The following CCDC73 variants were observed in gnomAD, a reference collection of about 807,000 sequenced individuals.
CCDC73 encodes the protein coiled-coil domain containing 73.
In CCDC73, 95 loss-of-function variants were observed where a neutral mutation model predicts 116.5. That is an observed-to-expected ratio of 0.82 (90% CI 0.69 to 0.97). CCDC73 has a LOEUF of 0.97. Among genes scored for constraint, CCDC73 ranks in the 50% least tolerant of loss-of-function variants. The pLI is 0.00. For synonymous variants in CCDC73, 398 were observed against 401.3 expected (o/e 0.99, Z 0.10); for missense variants, 1,066 against 1,206.8 (o/e 0.88, Z 1.73).
intron 6 of CCDC73, among the ~76,000 whole-genome samples, chr11:32,696,812 C>T (rs1241725710): frequency 6.6e-6 from 1 of 151,968 alleles, no homozygotes; most frequent in East Asian, 1.9e-4. Flanking sequence ...TTATGTTTTC[C>T]CTAGAGTTTC....
intron 4 of CCDC73, among the ~76,000 whole-genome samples, 187 bp from the exon 5 acceptor site, chr11:32,701,013 A>C (rs536266393): frequency 6.6e-6 from 1 of 152,278 alleles, no homozygotes; most frequent in Admixed American, 6.5e-5. Context: ...CAGTCACTAA[A>C]GTAAATGAAC....
At chr11:32,804,033 C>A in the CCDC73 span, among the ~76,000 whole-genome samples, 2 of 152,124 alleles carry the variant, frequency 1.3e-5, no homozygotes, top group Admixed American at 1.3e-4. Context: ...TAGTCTCGAA[C>A]TCCCGACCTC....
chr11:32,607,080 ATTTTTTTTTTT>A lies in CCDC73; in HGVS notation c.3030+4041_3030+4051del, dbSNP rs759164050. Among the ~76,000 whole-genome samples the A allele has an allele frequency of 1.8e-3, 132 of 74,188 alleles. 1 individual carries two copies. The highest frequency in any genetic ancestry group is 2.1e-3 in the Admixed American group (12 of 5,584). The allele number at this position is 74,188 out of a possible 152,430, so 48.7% of individuals were successfully genotyped here. On this transcript the variant is annotated intron_variant, in intron 17 of 17. Coordinates refer to ENST00000335185, the MANE Select transcript of CCDC73 (RefSeq NM_001008391.4). The stretch of plus-strand genomic sequence containing the variant: ...GCCCACCACGCCCAGCCAAAAATAA[ATTTTTTTTTTT>A]TTTTTTTTTTTTTTTTTTTGAGACG...
chr11:32,720,538 C>G (rs1198991805), intron 2 of CCDC73, among the ~76,000 whole-genome samples: 3 of 151,730 alleles, frequency 2.0e-5, no homozygotes, highest in Non-Finnish European at 2.9e-5. Flanking sequence ...CAGGCATACA[C>G]AAATAAATAA....
At chr11:32,633,499 A>G (rs1030783993) in intron 14 of CCDC73, among the ~76,000 whole-genome samples, 9 of 152,196 alleles carry the variant, frequency 5.9e-5, no homozygotes, top group Non-Finnish European at 1.5e-5. Context: ...ATAGGACTCA[A>G]TATATACCCA....
chr11:32,780,172 G>T (rs2133395643), intron 1 of CCDC73, among the ~76,000 whole-genome samples: 1 of 152,172 alleles, frequency 6.6e-6, no homozygotes, highest in South Asian at 2.1e-4. Context: ...TACAAGGGAG[G>T]CTGAGGCATG....
intron 1 of CCDC73, among the ~76,000 whole-genome samples, chr11:32,791,506 CT>C (rs1850676625): frequency 6.6e-6 from 1 of 152,186 alleles, no homozygotes; most frequent in Non-Finnish European, 1.5e-5. Context: ...TCTTGAAACA[CT>C]TTTTTTCATA....
chr11:32,826,014 A>C, the CCDC73 span, among the ~76,000 whole-genome samples: 1 of 152,220 alleles, frequency 6.6e-6, no homozygotes, highest in Non-Finnish European at 1.5e-5. Flanking sequence ...ACATGAAATC[A>C]GATGACCCCT....
intron 2 of CCDC73, among the ~76,000 whole-genome samples, chr11:32,744,388 GC>G (rs1850215875): frequency 6.6e-6 from 1 of 152,116 alleles, no homozygotes. Context: ...TTGTGTCTCT[GC>G]CAGGCTTTGG....
intron 14 of CCDC73, among the ~76,000 whole-genome samples, chr11:32,629,682 T>A (rs1278432544): frequency 2.7e-5 from 4 of 149,328 alleles, no homozygotes; most frequent in Non-Finnish European, 4.4e-5. Flanking sequence ...GGCGTAAGCC[T>A]CCGTGCCCAG....
chr11:32,662,823 C>T (rs1427515640), intron 9 of CCDC73, among the ~76,000 whole-genome samples: 2 of 152,090 alleles, frequency 1.3e-5, no homozygotes, highest in African/African-American at 4.8e-5. Context: ...GGTTTTAGGT[C>T]TAACATTTAA....
At chr11:32,789,357 G>T (rs559218463) in intron 1 of CCDC73, among the ~76,000 whole-genome samples, 4 of 152,178 alleles carry the variant, frequency 2.6e-5, no homozygotes, top group African/African-American at 9.6e-5. Flanking sequence ...ACCAGAAGAA[G>T]AAACCTAAAT....
Position 32,754,885 on chromosome 11 carries a change from T to G in CCDC73, c.135+5224A>C, listed in dbSNP as rs1182666446. Among the ~76,000 whole-genome samples, 3 of 136,684 alleles carry G rather than the reference T, an allele frequency of 2.2e-5. No individual in the cohort carries two copies. In the East Asian group the frequency reaches 6.2e-4, roughly 28 times the overall value. 89.7% of individuals were successfully genotyped at this position (136,684 alleles called of 152,430 possible). A position where few individuals can be genotyped will look rare whatever the true frequency, so the allele number is the denominator to read the frequency against. ...CACAGAAGATGGCTTCAACTTTTTTTTTTTTTTTTTTTTTTTTTCTGAGAC... is the reference window on the plus strand; with the variant it reads ...CACAGAAGATGGCTTCAACTTTTTTGTTTTTTTTTTTTTTTTTTCTGAGAC... On this transcript the variant is annotated intron_variant, in intron 2 of 17. Coordinates refer to ENST00000335185, the MANE Select transcript of CCDC73 (RefSeq NM_001008391.4).
chr11:32,666,815 G>A (rs868773478), intron 9 of CCDC73, among the ~76,000 whole-genome samples: 6 of 152,176 alleles, frequency 3.9e-5, no homozygotes, highest in Admixed American at 3.9e-4. Context: ...CTTTGATAAT[G>A]GTGACGTACA....
intron 1 of CCDC73, among the ~76,000 whole-genome samples, chr11:32,765,333 C>T (rs1324601822): frequency 6.6e-6 from 1 of 152,238 alleles, no homozygotes; most frequent in Non-Finnish European, 1.5e-5. Context: ...CACCACATCA[C>T]ACTTATTCCA....
Position 32,613,902 on chromosome 11 carries a change from ACT to A in CCDC73, c.2414_2415del (p.Glu805ValfsTer4), listed in dbSNP as rs1855446587. On this transcript the variant is annotated frameshift_variant, in exon 16 of 18. Coordinates refer to ENST00000335185, the MANE Select transcript of CCDC73 (RefSeq NM_001008391.4). LOFTEE classifies it high-confidence loss of function. ...AVHMKTCTET[E>X]FSNKKNQIDE... ...TCAATCTGATTCTTTTTATTGGAAA[ACT>A]CTGTTTCTGTGCAAGTTTTCATGTG... is the stretch of plus-strand genomic sequence containing the variant. The A allele has an allele frequency of 1.9e-6, 3 of 1,612,064 alleles. No individual in the cohort carries two copies. Among genetic ancestry groups the A allele is most frequent in the Middle Eastern group, 1.7e-4 (1 of 6,058 alleles).
intron 2 of CCDC73, among the ~76,000 whole-genome samples, chr11:32,724,466 A>G (rs188185760): frequency 3.3e-4 from 51 of 152,304 alleles, no homozygotes; most frequent in Non-Finnish European, 5.4e-4. Context: ...AAGGTTATCG[A>G]ATTAATGCAT....
chr11:32,702,524 T>G (rs554233121), intron 4 of CCDC73, among the ~76,000 whole-genome samples: 1 of 152,264 alleles, frequency 6.6e-6, no homozygotes, highest in Non-Finnish European at 1.5e-5. Flanking sequence ...AAAGCGGTAC[T>G]ATGGAAGAGG....
chr11:32,683,224 A>T (rs1856164001), intron 7 of CCDC73: 2 of 342,898 alleles, frequency 5.8e-6, no homozygotes, highest in Non-Finnish European at 1.1e-5. Context: ...AAATACTCCA[A>T]TGAGCATTTT....
Sources: allele counts gnomAD v4.1 joint callset (sites outside exome capture counted in the v4.1 genomes callset), GRCh38; gene constraint gnomAD v4.1.1; transcripts MANE v1.5; gene names NCBI Gene and HGNC (gene_info 2026-07-23, HGNC 2026-07-21).